Variants in SOX5 observed in about 807,000 individuals in gnomAD.
SOX5 encodes transcription factor SOX-5.
Under a neutral mutation model 92.0 loss-of-function variants are expected in SOX5, and 9 were observed. The ratio of observed to expected loss-of-function variants is 0.10; its 90% CI spans 0.06 to 0.17. The LOEUF is 0.17. SOX5 is among the 10% of genes least tolerant of loss of function. SOX5 has a pLI of 1.00. For missense variants in SOX5, 642 were observed against 944.5 expected (o/e 0.68, Z 4.20); for synonymous variants, 344 against 336.3 (o/e 1.02, Z -0.25).
chr12:24,338,380 T>C (rs1952155491), intron 2 of SOX5, among the ~76,000 whole-genome samples: 1 of 152,196 alleles, frequency 6.6e-6, no homozygotes, highest in South Asian at 2.1e-4. Flanking sequence ...ATGTGCTCTG[T>C]TCTTCATGTA....
chr12:24,191,508 C>T (rs906557190), intron 4 of SOX5, among the ~76,000 whole-genome samples: 2 of 152,178 alleles, frequency 1.3e-5, no homozygotes, highest in African/African-American at 2.4e-5. Context: ...CAGCCTTGTT[C>T]CCCGGACACC....
intron 4 of SOX5, among the ~76,000 whole-genome samples, chr12:23,994,134 T>C (rs1016006900): frequency 1.3e-5 from 2 of 150,604 alleles, no homozygotes; most frequent in Non-Finnish European, 3.0e-5. Flanking sequence ...AAAAACAAAA[T>C]AAAACAAAAA....
intron 1 of SOX5, among the ~76,000 whole-genome samples, chr12:24,471,394 C>T (rs1261691181): frequency 6.6e-6 from 1 of 152,086 alleles, no homozygotes. Context: ...GGACTTTCTG[C>T]ATTGGAAGTC....
At chr12:23,933,183 G>A (rs555460011) in intron 1 of SOX5, among the ~76,000 whole-genome samples, 14 of 151,648 alleles carry the variant, frequency 9.2e-5, no homozygotes, top group Non-Finnish European at 1.8e-4. Flanking sequence ...TTTTAATTAT[G>A]TGCTGTTCTG....
chr12:24,349,346 C>T (rs751821843), intron 2 of SOX5, among the ~76,000 whole-genome samples: 1 of 152,182 alleles, frequency 6.6e-6, no homozygotes, highest in Non-Finnish European at 1.5e-5. Context: ...ACATTAAGTA[C>T]ATTCATATTG....
chr12:23,616,740 G>T (rs562364771), intron 8 of SOX5, among the ~76,000 whole-genome samples: 1 of 152,260 alleles, frequency 6.6e-6, no homozygotes, highest in Admixed American at 6.5e-5. Flanking sequence ...GTTGTTGGGT[G>T]TATAAGGGTT....
intron 1 of SOX5, among the ~76,000 whole-genome samples, chr12:24,525,808 T>C (rs1463370789): frequency 6.6e-6 from 1 of 151,018 alleles, no homozygotes; most frequent in East Asian, 1.9e-4. Context: ...TGAGCCGAGA[T>C]CGCGCCACTG....
At chr12:24,220,140 T>C (rs1327614318) in intron 3 of SOX5, among the ~76,000 whole-genome samples, 1 of 152,012 alleles carries the variant, frequency 6.6e-6, no homozygotes, top group African/African-American at 2.4e-5. Flanking sequence ...AAATAAATAA[T>C]GTGAAAAATT....
At chr12:24,178,397 C>T (rs967710362) in intron 4 of SOX5, among the ~76,000 whole-genome samples, 4 of 152,080 alleles carry the variant, frequency 2.6e-5, no homozygotes, top group Admixed American at 6.6e-5. Context: ...CTAGAGAAGT[C>T]ATTCAAAGCA....
chr12:23,999,094 A>G (rs887793919), intron 4 of SOX5, among the ~76,000 whole-genome samples: 2 of 151,874 alleles, frequency 1.3e-5, no homozygotes, highest in Admixed American at 1.3e-4. Context: ...GGCCAGAAGC[A>G]GCAGGATAGG....
intron 3 of SOX5, among the ~76,000 whole-genome samples, chr12:24,229,709 T>G (rs117216371): frequency 9.8e-4 from 149 of 152,280 alleles, no homozygotes; most frequent in Non-Finnish European, 1.7e-3. Context: ...GCCACTGACA[T>G]GTCCCTGCCA....
At chr12:24,198,714 C>A (rs1957242374) in intron 4 of SOX5, among the ~76,000 whole-genome samples, 1 of 152,146 alleles carries the variant, frequency 6.6e-6, no homozygotes, top group Non-Finnish European at 1.5e-5. Context: ...TGTGTAATAG[C>A]AAAAGACTGT....
chr12:24,000,546 GTGTT>G (rs1951500952), intron 4 of SOX5, among the ~76,000 whole-genome samples: 1 of 152,036 alleles, frequency 6.6e-6, no homozygotes, highest in Non-Finnish European at 1.5e-5. Context: ...ATAATTAACT[GTGTT>G]TGTGTATTTC....
chr12:24,326,791 T>TACACACCCACACACACACAC (rs1950744192), intron 2 of SOX5, among the ~76,000 whole-genome samples: 1 of 148,734 alleles, frequency 6.7e-6, no homozygotes, highest in South Asian at 2.2e-4. Context: ...TACACACACA[T>TACACACCCACACACACACAC]ACACACACAC....
intron 4 of SOX5, among the ~76,000 whole-genome samples, chr12:23,981,687 A>AT (rs1312986964): frequency 6.6e-6 from 1 of 152,034 alleles, no homozygotes; most frequent in Non-Finnish European, 1.5e-5. Flanking sequence ...ACATTTGCCT[A>AT]TTTTTTGTTT....
intron 3 of SOX5, among the ~76,000 whole-genome samples, chr12:23,756,839 C>T (rs576108931): frequency 2.0e-5 from 3 of 151,862 alleles, no homozygotes; most frequent in South Asian, 2.1e-4. Flanking sequence ...GCCTAGAGAC[C>T]GTAATATTAT....
chr12:23,730,661 C>T (rs1050238210), intron 6 of SOX5, among the ~76,000 whole-genome samples: 1 of 152,114 alleles, frequency 6.6e-6, no homozygotes, highest in Non-Finnish European at 1.5e-5. Flanking sequence ...GCTAAGGTTG[C>T]TTTTTAAAGA....
chr12:24,397,851 ATTT>A, intron 1 of SOX5, among the ~76,000 whole-genome samples: 2 of 151,414 alleles, frequency 1.3e-5, no homozygotes, highest in South Asian at 2.1e-4. Flanking sequence ...TATTTAATTT[ATTT>A]ATTTATTTAT....
At chr12:24,552,147 G>A (rs1379008752) in intron 1 of SOX5, among the ~76,000 whole-genome samples, 1 of 150,390 alleles carries the variant, frequency 6.6e-6, no homozygotes. Context: ...GCATGTTAAT[G>A]TTTTATATAC....
Sources: allele counts gnomAD v4.1 joint callset (sites outside exome capture counted in the v4.1 genomes callset), GRCh38; gene constraint gnomAD v4.1.1; transcripts MANE v1.5; gene names NCBI Gene and HGNC (gene_info 2026-07-23, HGNC 2026-07-21).